The following RIPOR3 variants were observed in gnomAD, a reference collection of about 807,000 sequenced individuals.
RIPOR3 encodes the protein RIPOR family member 3.
A neutral mutation model predicts 114.3 loss-of-function variants in RIPOR3; 95 were observed. The ratio of observed to expected loss-of-function variants is 0.83; its 90% confidence interval spans 0.70 to 0.99. The LOEUF (loss-of-function observed/expected upper bound fraction) is 0.99, where lower values mean the gene tolerates loss of function less well. Among genes scored for constraint, RIPOR3 ranks in the 50% least tolerant of loss-of-function variants. The pLI, the probability that RIPOR3 is intolerant of heterozygous loss-of-function variation, is 0.00. For missense variants in RIPOR3, 1,252 were observed against 1,266.9 expected, an observed-to-expected ratio of 0.99 and a Z score of 0.18; for synonymous variants, 575 against 543.8, an observed-to-expected ratio of 1.06 and a Z score of -0.80.
chr20:50,669,724 C>T (rs1337179588), intron 1 of RIPOR3, among the ~76,000 whole-genome samples: 11 of 152,106 alleles, frequency 7.2e-5, no homozygotes, highest in Admixed American at 6.5e-4. Flanking sequence ...TGGTCCCCTC[C>T]GGGCCAGGAT....
chr20:50,670,808 A>G (rs1007819755), intron 1 of RIPOR3, among the ~76,000 whole-genome samples: 2 of 152,232 alleles, frequency 1.3e-5, no homozygotes, highest in African/African-American at 4.8e-5. Context: ...CTGGAAGGAC[A>G]GGTTTTAAGT....
intron 14 of RIPOR3, 56 bp downstream of exon 14, chr20:50,597,524 G>A (rs2083335511): frequency 3.8e-6 from 6 of 1,560,404 alleles, no homozygotes; most frequent in Non-Finnish European, 5.2e-6. Flanking sequence ...GTGGAGCTCG[G>A]GTCACCCGGT....
chr20:50,679,135 A>AAAT (rs2086773516), intron 1 of RIPOR3, among the ~76,000 whole-genome samples: 4 of 20,772 alleles, frequency 1.9e-4, no homozygotes, highest in African/African-American at 5.2e-4. Context: ...AAAAAAAAAA[A>AAAT]ATATATATAT....
intron 2 of RIPOR3, among the ~76,000 whole-genome samples, chr20:50,622,660 C>T (rs1414488524): frequency 6.6e-6 from 1 of 151,998 alleles, no homozygotes. Context: ...AACACACACA[C>T]ATGCCCTCAT....
chr20:50,663,121 T>A (rs2086057170), intron 1 of RIPOR3, among the ~76,000 whole-genome samples: 2 of 150,048 alleles, frequency 1.3e-5, no homozygotes, highest in Admixed American at 1.3e-4. Flanking sequence ...AAAAAAGTTT[T>A]CAAACTGCTG....
intron 1 of RIPOR3, among the ~76,000 whole-genome samples, chr20:50,632,340 C>T (rs2084845501): frequency 6.6e-6 from 1 of 152,108 alleles, no homozygotes; most frequent in African/African-American, 2.4e-5. Flanking sequence ...CTGGAAGGAC[C>T]AAGGAAAGCA....
Position 50,595,370 on chromosome 20 carries a change from C to G in RIPOR3, c.2049G>C (p.Glu683Asp), listed in dbSNP as rs768291837. Reference protein sequence around the residue: ...EKVGKATSIEEIIPQASRTKG... With the variant: ...EKVGKATSIEDIIPQASRTKG... ...CCTGGGTGGCAGGCAGCTACTTACT[C>G]TCTTCAATGGATGTTGCCTTGCCGA... The change falls in exon 16 of 22, where the codon GAG becomes GAC. Residue 683 changes from glutamate to aspartate, a missense_variant and splice_region_variant. Glu to Asp is a conservative substitution (Grantham distance 45). Coordinates refer to ENST00000327979, the MANE Select transcript of RIPOR3 (RefSeq NM_001290268.2). 14 of 1,613,308 alleles carry G rather than the reference C, an allele frequency of 8.7e-6. No homozygotes were observed. The highest frequency in any genetic ancestry group is 4.5e-5 in the East Asian group (2 of 44,856).
intron 1 of RIPOR3, among the ~76,000 whole-genome samples, chr20:50,650,201 G>T (rs1419529253): frequency 6.6e-6 from 1 of 152,006 alleles, no homozygotes; most frequent in Non-Finnish European, 1.5e-5. Context: ...AGTTATAAGA[G>T]CACTAATCCC....
In RIPOR3 at chr20:50,589,738, T is replaced by C; in HGVS notation, c.2609A>G (p.Glu870Gly). The change falls in exon 20 of 22, where the codon GAG becomes GGG. Residue 870 changes from glutamate to glycine, a missense_variant. Physicochemically the swap from Glu to Gly is moderately conservative, Grantham distance 98. Transcript: ENST00000327979. Reference sequence around the variant, plus strand: ...GGCCTGCTGGAGCCTTGCGTCGTTCTCTGCCAGGGCGTTGGTGTAGAACAG... The same window carrying C: ...GGCCTGCTGGAGCCTTGCGTCGTTCCCTGCCAGGGCGTTGGTGTAGAACAG... ...ALLFYTNALA[E>G]NDARLQQAAC... is the part of the protein sequence containing the mutation. The C allele has an allele frequency of 6.2e-7, 1 of 1,613,890 alleles. No individual in the cohort carries two copies. The highest frequency in any genetic ancestry group is 8.5e-7 in the Non-Finnish European group (1 of 1,179,858).
chr20:50,644,701 T>C (rs1316656864), intron 1 of RIPOR3, among the ~76,000 whole-genome samples: 1 of 127,712 alleles, frequency 7.8e-6, no homozygotes, highest in Non-Finnish European at 1.7e-5. Context: ...TTTTTTTTTT[T>C]TGTAGAGACG....
At chr20:50,609,013 C>A in intron 8 of RIPOR3, 58 bp from the exon 9 acceptor site, 1 of 1,550,924 alleles carries the variant, frequency 6.4e-7, no homozygotes, top group East Asian at 2.4e-5. Context: ...GACCTGGGAC[C>A]ACAGGTCCTC....
intron 1 of RIPOR3, among the ~76,000 whole-genome samples, chr20:50,637,891 A>T (rs1057103917): frequency 4.6e-5 from 7 of 152,094 alleles, no homozygotes; most frequent in Non-Finnish European, 7.4e-5. Context: ...AAATTTTTTT[A>T]AATAAATAAA....
intron 1 of RIPOR3, among the ~76,000 whole-genome samples, chr20:50,651,848 G>T (rs1247990048): frequency 2.0e-5 from 3 of 152,216 alleles, no homozygotes; most frequent in Admixed American, 2.0e-4. Context: ...GAGAAGAGGG[G>T]GAGGAGCCCA....
At chr20:50,642,468 G>A (rs992386401) in intron 1 of RIPOR3, among the ~76,000 whole-genome samples, 3 of 151,584 alleles carry the variant, frequency 2.0e-5, no homozygotes, top group African/African-American at 7.3e-5. Context: ...TTTACAATTT[G>A]GAAACTGCTT....
intron 1 of RIPOR3, among the ~76,000 whole-genome samples, chr20:50,658,017 G>A (rs1162043302): frequency 2.0e-5 from 3 of 151,714 alleles, no homozygotes; most frequent in Non-Finnish European, 4.4e-5. Context: ...CTCCTACCTC[G>A]GCCTCCCAAA....
At chr20:50,631,707 C>T (rs1004871421) in intron 1 of RIPOR3, among the ~76,000 whole-genome samples, 19 of 152,200 alleles carry the variant, frequency 1.2e-4, no homozygotes, top group African/African-American at 3.4e-4. Context: ...GCCCAGTCTC[C>T]GACCCGCCCT....
intron 11 of RIPOR3, 54 bp downstream of exon 11, chr20:50,608,335 C>G (rs2083802617): frequency 1.2e-6 from 2 of 1,607,220 alleles, no homozygotes; most frequent in South Asian, 2.2e-5. Context: ...TGTGGCCAGG[C>G]CACCAGGGGC....
chr20:50,681,632 T>C (rs773568524), intron 1 of RIPOR3, among the ~76,000 whole-genome samples: 1 of 152,234 alleles, frequency 6.6e-6, no homozygotes, highest in Non-Finnish European at 1.5e-5. Flanking sequence ...AGGTAAATAA[T>C]TAACAGCAAT....
chr20:50,594,952 C>T (rs2083238520), intron 16 of RIPOR3: 3 of 533,310 alleles, frequency 5.6e-6, no homozygotes, highest in Non-Finnish European at 6.7e-6. Context: ...TGTCACCAGC[C>T]TCTCCTTACA....
Sources: allele counts gnomAD v4.1 joint callset (sites outside exome capture counted in the v4.1 genomes callset), GRCh38; gene constraint gnomAD v4.1.1; transcripts MANE v1.5; gene names NCBI Gene and HGNC (gene_info 2026-07-23, HGNC 2026-07-21).